The following PRAMEF15 variants were observed in gnomAD, a reference collection of about 807,000 sequenced individuals.
PRAMEF15 encodes PRAME family member 15.
A neutral mutation model predicts 35.3 loss-of-function variants in PRAMEF15; 21 were observed. The ratio of observed to expected loss-of-function variants is 0.59; its 90% confidence interval spans 0.42 to 0.86. The LOEUF is 0.86. Among genes scored for constraint, PRAMEF15 ranks in the 40% least tolerant of loss-of-function variants. The pLI, the probability that PRAMEF15 is intolerant of heterozygous loss-of-function variation, is 0.00. For synonymous variants in PRAMEF15, 122 were observed against 223.3 expected (o/e 0.55, Z 4.05); for missense variants, 360 against 574.1 (o/e 0.63, Z 3.81).
intron 3 of PRAMEF15, among the ~76,000 whole-genome samples, chr1:13,321,365 C>A (rs1485464657): frequency 1.4e-4 from 21 of 151,428 alleles, no homozygotes; most frequent in South Asian, 6.3e-4. Flanking sequence ...CAGGCTCCCG[C>A]CACCACACCT....
intron 2 of PRAMEF15, 28 bp downstream of exon 2, chr1:13,318,728 G>A: frequency 6.2e-7 from 1 of 1,612,622 alleles, no homozygotes; most frequent in Non-Finnish European, 8.5e-7. Flanking sequence ...GGCTGGTGGG[G>A]AGGGCCCAGG....
rs1296183982 is a variant in PRAMEF15, at chr1:13,318,349, G to C, written c.-16-43G>C. On this transcript the variant is annotated intron_variant, in intron 1 of 3. Coordinates refer to ENST00000376152, the MANE Select transcript of PRAMEF15 (RefSeq NM_001098376.3). ...GGAGAAGATGAGATTGCATGGGCTT[G>C]GCCTGAGAGTGATGCCTCTTCTCTG... is the stretch of plus-strand genomic sequence containing the variant. 2.7e-5 allele frequency: 41 copies of C among 1,539,654 alleles called. No homozygotes were observed. The South Asian group carries it at 4.8e-4, about 18-fold the overall frequency.
chr1:13,317,185 T>C (rs1451495721), intron 1 of PRAMEF15, among the ~76,000 whole-genome samples: 1 of 151,632 alleles, frequency 6.6e-6, no homozygotes, highest in Non-Finnish European at 1.5e-5. Flanking sequence ...TCCTCCTACC[T>C]CAGCCTCCCT....
chr1:13,318,866 G>A (rs1640041513), intron 2 of PRAMEF15, among the ~76,000 whole-genome samples, 166 bp downstream of exon 2: 1 of 151,704 alleles, frequency 6.6e-6, no homozygotes, highest in African/African-American at 2.4e-5. Flanking sequence ...ACCACGCAAG[G>A]TCCATGGAGG....
chr1:13,316,655 C>G (rs1489039626), intron 1 of PRAMEF15, among the ~76,000 whole-genome samples: 1 of 151,804 alleles, frequency 6.6e-6, no homozygotes, highest in East Asian at 1.9e-4. Context: ...ACTCAGCTCC[C>G]TCAGCACCAA....
Position 13,322,200 on chromosome 1 carries a change from A to G in PRAMEF15, c.1373A>G (p.Asp458Gly). Residue 458 changes from aspartate to glycine, a missense_variant, in exon 4 of 4, where the codon GAC (aspartate) becomes GGC (glycine). Physicochemically the swap from Asp to Gly is moderately conservative, Grantham distance 94. This residue lies in a region of PRAMEF15 where 147 missense variants were observed against 123.5 expected (regional missense o/e 1.19). Coordinates refer to ENST00000376152, the MANE Select transcript of PRAMEF15 (RefSeq NM_001098376.3). ...CCCAAGAGGATCTTGTTCTGTACTG[A>G]CTACTGCCCTGACTGTGGCAACAGG... is the stretch of plus-strand genomic sequence containing the variant. ...RHPKRILFCT[D>G]YCPDCGNRSF... is the part of the protein sequence containing the mutation. The G allele has an allele frequency of 1.2e-6, 2 of 1,607,410 alleles. No individual in the cohort carries two copies. Among genetic ancestry groups the G allele is most frequent in the Non-Finnish European group, 1.7e-6 (2 of 1,178,196 alleles).
chr1:13,321,196 C>T (rs1252591129), intron 3 of PRAMEF15, among the ~76,000 whole-genome samples: 13 of 149,672 alleles, frequency 8.7e-5, no homozygotes, highest in Non-Finnish European at 1.5e-4. Context: ...GTGACTCAGC[C>T]TCAAATGGAA....
chr1:13,318,929 C>A (rs1272434902), intron 2 of PRAMEF15, among the ~76,000 whole-genome samples: 1 of 151,884 alleles, frequency 6.6e-6, no homozygotes, highest in Non-Finnish European at 1.5e-5. Context: ...AAAGTGAGAA[C>A]TGGGCCGGGC....
chr1:13,319,293 G>T (rs1569793511), intron 2 of PRAMEF15, 79 bp from the exon 3 acceptor site: 3 of 1,592,408 alleles, frequency 1.9e-6, no homozygotes, highest in Non-Finnish European at 2.6e-6. Flanking sequence ...AGGGAGGGGA[G>T]GAGCTGCTAT....
At chr1:13,315,790 G>C (rs1165524272) in intron 1 of PRAMEF15, 132 bp downstream of exon 1, 1 of 149,836 alleles carries the variant, frequency 6.7e-6, no homozygotes, top group Non-Finnish European at 1.5e-5. Context: ...TGAACAATTG[G>C]AAGCTTTGAA....
intron 3 of PRAMEF15, among the ~76,000 whole-genome samples, chr1:13,320,240 C>T (rs1640065165): frequency 2.0e-5 from 3 of 152,002 alleles, no homozygotes; most frequent in African/African-American, 7.3e-5. Context: ...TGAATTCTTC[C>T]TGAGGACATG....
At chr1:13,321,313 C>T (rs1481083356) in intron 3 of PRAMEF15, among the ~76,000 whole-genome samples, 3 of 150,014 alleles carry the variant, frequency 2.0e-5, no homozygotes, top group Non-Finnish European at 4.4e-5. Flanking sequence ...CTCCTGGGTT[C>T]AAGCGATTCT....
intron 3 of PRAMEF15, among the ~76,000 whole-genome samples, 159 bp downstream of exon 3, chr1:13,320,112 G>A (rs1323194970): frequency 6.6e-6 from 1 of 152,092 alleles, no homozygotes; most frequent in African/African-American, 2.4e-5. Flanking sequence ...TCCTGAAATG[G>A]GTATCATGCA....
In PRAMEF15 at chr1:13,318,364, C is replaced by T. The variant is rs1250042729; in HGVS notation, c.-16-28C>T. On this transcript the variant is annotated intron_variant, in intron 1 of 3. Transcript: ENST00000376152. ...GCATGGGCTTGGCCTGAGAGTGATG[C>T]CTCTTCTCTGGGTTTGTCCTCTGGA... 2.4e-4 allele frequency: 360 copies of T among 1,524,124 alleles called. 3 individuals carry two copies. The Middle Eastern group carries it at 7.4e-3, about 31-fold the overall frequency. 94.4% of individuals were successfully genotyped at this position (1,524,124 alleles called of 1,614,324 possible). A position where few individuals can be genotyped will look rare whatever the true frequency, so the allele number is the denominator to read the frequency against.
intron 1 of PRAMEF15, among the ~76,000 whole-genome samples, chr1:13,316,517 G>GCA (rs1640007242): frequency 6.6e-6 from 1 of 151,334 alleles, no homozygotes; most frequent in African/African-American, 2.5e-5. Context: ...ACATGGCTGT[G>GCA]GGGGGTGCAT....
chr1:13,321,373 C>G (rs1188407935), intron 3 of PRAMEF15, among the ~76,000 whole-genome samples: 11 of 151,492 alleles, frequency 7.3e-5, no homozygotes, highest in South Asian at 6.3e-4. Flanking sequence ...CGCCACCACA[C>G]CTGGCTAATT....
chr1:13,316,257 G>A (rs1304735762), intron 1 of PRAMEF15, among the ~76,000 whole-genome samples: 11 of 151,530 alleles, frequency 7.3e-5, no homozygotes, highest in Admixed American at 5.9e-4. Flanking sequence ...ACCTGCCTTG[G>A]CCTCCCAAAG....
intron 1 of PRAMEF15, among the ~76,000 whole-genome samples, 188 bp downstream of exon 1, chr1:13,315,846 T>C (rs1428156845): frequency 0.045 from 6,746 of 150,800 alleles, 1 homozygote; most frequent in East Asian, 0.23. Flanking sequence ...AAAAAGTTGA[T>C]TGTGCTTTGG....
rs1319785991 is a variant in PRAMEF15, at chr1:13,317,863, GA to G, written c.-16-528del. Among the ~76,000 whole-genome samples, 1,204 of 141,774 alleles carry G rather than the reference GA, an allele frequency of 8.5e-3. 22 individuals are homozygous for G. Among genetic ancestry groups the G allele is most frequent in the African/African-American group, 0.027 (1,087 of 39,560 alleles). 93.0% of individuals were successfully genotyped at this position (141,774 alleles called of 152,430 possible). On this transcript the variant is annotated intron_variant, in intron 1 of 3. Coordinates refer to ENST00000376152, the MANE Select transcript of PRAMEF15 (RefSeq NM_001098376.3). ...AGACAAGAAAGAAAGAAGGGAGAGA[GA>G]GGGGGAAAGAAAGAAAGAAGGGAGG... is the stretch of plus-strand genomic sequence containing the variant.
Sources: allele counts gnomAD v4.1 joint callset (sites outside exome capture counted in the v4.1 genomes callset), GRCh38; gene constraint gnomAD v4.1.1; regional missense constraint gnomAD v4.1.1; transcripts MANE v1.5; gene names NCBI Gene and HGNC (gene_info 2026-07-23, HGNC 2026-07-21).